The following IL1RAPL2 variants were observed in gnomAD, a reference collection of about 807,000 sequenced individuals.
IL1RAPL2 encodes the protein interleukin 1 receptor accessory protein like 2, also known as X-linked interleukin-1 receptor accessory protein-like 2.
A neutral mutation model predicts 44.1 loss-of-function variants in IL1RAPL2; 3 were observed. The ratio of observed to expected loss-of-function variants is 0.07; its 90% confidence interval spans 0.03 to 0.18. The LOEUF (loss-of-function observed/expected upper bound fraction) is 0.18, where lower values mean the gene tolerates loss of function less well. Ranked by LOEUF, IL1RAPL2 falls within the 10% of genes least tolerant of loss-of-function variation. The probability of loss-of-function intolerance (pLI) is 1.00; values close to 1 mark genes in which losing one functional copy is unlikely to be tolerated. For missense variants in IL1RAPL2, 391 were observed against 496.4 expected (o/e 0.79, Z 2.02); for synonymous variants, 181 against 178.8 (o/e 1.01, Z -0.10).
At chrX:105,301,186 T>C (rs1460980964) in intron 5 of IL1RAPL2, among the ~76,000 whole-genome samples, 1 of 111,897 alleles carries the variant, frequency 8.9e-6, no homozygotes, top group African/African-American at 3.2e-5. Context: ...TTGAGTCTTA[T>C]TATATTTGGT....
At chrX:104,811,353 G>A (rs1483531721) in intron 2 of IL1RAPL2, among the ~76,000 whole-genome samples, 2 of 111,882 alleles carry the variant, frequency 1.8e-5, no homozygotes, top group Admixed American at 1.9e-4. Flanking sequence ...CAGTGCTTTG[G>A]TGATTACGGA....
At chrX:104,914,454 C>G (rs948147092) in intron 2 of IL1RAPL2, among the ~76,000 whole-genome samples, 6 of 111,973 alleles carry the variant, frequency 5.4e-5, no homozygotes, top group African/African-American at 1.9e-4. Context: ...TAATACTATA[C>G]AACCATTTAA....
At chrX:104,733,398 C>T (rs2092115) in intron 2 of IL1RAPL2, among the ~76,000 whole-genome samples, 59,541 of 108,442 alleles carry the variant, frequency 0.55, 13,292 homozygotes, top group African/African-American at 0.83. Flanking sequence ...TCTAGACCAG[C>T]CTGGCCAACA....
chrX:105,180,352 AAAAC>A (rs2033518421), intron 2 of IL1RAPL2, among the ~76,000 whole-genome samples: 1 of 110,116 alleles, frequency 9.1e-6, no homozygotes, highest in African/African-American at 3.4e-5. Flanking sequence ...AACAAAAACA[AAAAC>A]AAAAAAAAAA....
intron 2 of IL1RAPL2, among the ~76,000 whole-genome samples, chrX:104,754,335 A>G (rs1282114633): frequency 8.9e-6 from 1 of 111,912 alleles, no homozygotes; most frequent in Non-Finnish European, 1.9e-5. Context: ...TATGATTGGC[A>G]CCATTGCTGT....
intron 5 of IL1RAPL2, among the ~76,000 whole-genome samples, chrX:105,389,723 GAATT>G (rs914987054): frequency 2.7e-5 from 3 of 111,432 alleles, no homozygotes; most frequent in Non-Finnish European, 3.8e-5. Flanking sequence ...TGAGATGAAT[GAATT>G]TTCACCTTTA....
At chrX:104,581,339 T>G (rs1162070210) in intron 1 of IL1RAPL2, among the ~76,000 whole-genome samples, 1 of 112,146 alleles carries the variant, frequency 8.9e-6, no homozygotes, top group African/African-American at 3.2e-5. Flanking sequence ...GCTTTTACTG[T>G]GAAGACTAAT....
intron 2 of IL1RAPL2, among the ~76,000 whole-genome samples, chrX:104,937,165 T>C (rs1925049002): frequency 8.9e-6 from 1 of 112,488 alleles, no homozygotes; most frequent in African/African-American, 3.2e-5. Flanking sequence ...CAAGTCTGTA[T>C]AGACCTTTAA....
rs1469002689 is a variant in IL1RAPL2 at position 105,338,599 on chromosome X, ATAGGC to A, written c.697+71062_697+71066del. Among the ~76,000 whole-genome samples the A allele has an allele frequency of 2.9e-4, 32 of 111,928 alleles. 1 individual carries two copies. Among genetic ancestry groups the A allele is most frequent in the Non-Finnish European group, 1.9e-5 (1 of 53,211 alleles). On this transcript the variant is annotated intron_variant, in intron 5 of 10. Coordinates refer to ENST00000372582, the MANE Select transcript of IL1RAPL2 (RefSeq NM_017416.2). ...CAATTCCATTATCATAGCATTGCAT[ATAGGC>A]TAGTTCTATGGTGAGGCCAAGGGGA... is the stretch of plus-strand genomic sequence containing the variant.
At chrX:105,116,467 G>C (rs962316464) in intron 2 of IL1RAPL2, among the ~76,000 whole-genome samples, 2 of 112,304 alleles carry the variant, frequency 1.8e-5, no homozygotes. Flanking sequence ...TGTAGATTGT[G>C]TCCTGCATTT....
intron 2 of IL1RAPL2, among the ~76,000 whole-genome samples, chrX:104,778,367 A>G (rs1033766395): frequency 2.7e-5 from 3 of 110,675 alleles, no homozygotes; most frequent in South Asian, 3.8e-4. Flanking sequence ...GATTCATAAG[A>G]ATTATCTCCA....
intron 2 of IL1RAPL2, among the ~76,000 whole-genome samples, chrX:104,916,711 C>T (rs752449105): frequency 3.6e-5 from 4 of 111,132 alleles, no homozygotes; most frequent in East Asian, 2.9e-4. Context: ...GGGTTTGTCA[C>T]AGATAGCTCT....
At chrX:105,425,785 A>G (rs963984051) in intron 5 of IL1RAPL2, among the ~76,000 whole-genome samples, 2 of 109,470 alleles carry the variant, frequency 1.8e-5, no homozygotes, top group Non-Finnish European at 3.8e-5. Context: ...ATCTCTGATG[A>G]CACCAACAAT....
intron 2 of IL1RAPL2, among the ~76,000 whole-genome samples, chrX:104,827,985 A>T (rs1921502106): frequency 9.0e-6 from 1 of 111,428 alleles, no homozygotes; most frequent in Non-Finnish European, 1.9e-5. Context: ...TGGGTCATTT[A>T]TGTTCTTCTC....
intron 2 of IL1RAPL2, among the ~76,000 whole-genome samples, chrX:104,684,449 C>T (rs1247194539): frequency 1.8e-5 from 2 of 111,599 alleles, no homozygotes; most frequent in African/African-American, 6.5e-5. Context: ...TCTAAAACCC[C>T]TAATGTACAT....
chrX:105,278,376 A>T (rs2034502537), intron 5 of IL1RAPL2, among the ~76,000 whole-genome samples: 1 of 110,683 alleles, frequency 9.0e-6, no homozygotes, highest in South Asian at 3.9e-4. Context: ...TTACACTGTG[A>T]CTCCTAGCTA....
At chrX:104,786,968 T>C (rs1288027388) in intron 2 of IL1RAPL2, among the ~76,000 whole-genome samples, 2 of 75,155 alleles carry the variant, frequency 2.7e-5, no homozygotes, top group East Asian at 4.1e-4. Context: ...TCTCTCTCTC[T>C]CTCTCTCTCT....
intron 6 of IL1RAPL2, among the ~76,000 whole-genome samples, chrX:105,689,131 C>T (rs966454079): frequency 1.4e-4 from 16 of 111,744 alleles, no homozygotes; most frequent in Admixed American, 1.1e-3. Context: ...TAGAAGAAAA[C>T]CTAAGCAATA....
chrX:104,785,319 C>T (rs1437175152), intron 2 of IL1RAPL2, among the ~76,000 whole-genome samples: 1 of 111,802 alleles, frequency 8.9e-6, no homozygotes, highest in East Asian at 2.8e-4. Context: ...CCGTGCCTGG[C>T]CTCTCTTTTT....
Sources: allele counts gnomAD v4.1 joint callset (sites outside exome capture counted in the v4.1 genomes callset), GRCh38; gene constraint gnomAD v4.1.1; transcripts MANE v1.5; gene names NCBI Gene and HGNC (gene_info 2026-07-23, HGNC 2026-07-21).